KAZN: variants seen among roughly 807,000 people sequenced by gnomAD.
KAZN encodes kazrin.
Under a neutral mutation model 87.4 loss-of-function variants are expected in KAZN, and 40 were observed. The observed-to-expected ratio is 0.46, with a 90% CI of 0.36 to 0.60. The LOEUF is 0.60. Among genes scored for constraint, KAZN ranks in the 20% least tolerant of loss-of-function variants. The pLI, the probability that KAZN is intolerant of heterozygous loss-of-function variation, is 0.00. For synonymous variants in KAZN, 466 were observed against 458.3 expected (o/e 1.02, Z -0.22); for missense variants, 898 against 1,073.9 (o/e 0.84, Z 2.29).
intron 2 of KAZN, among the ~76,000 whole-genome samples, chr1:14,482,405 G>A (rs1669131840): frequency 6.6e-6 from 1 of 152,212 alleles, no homozygotes; most frequent in African/African-American, 2.4e-5. Context: ...GGCTAAGAGT[G>A]TAGGTGATCT....
At chr1:14,885,201 GTATT>G (rs1446979108) in intron 1 of KAZN, among the ~76,000 whole-genome samples, 1 of 152,186 alleles carries the variant, frequency 6.6e-6, no homozygotes, top group African/African-American at 2.4e-5. Flanking sequence ...TTTCTTGCTT[GTATT>G]AACCAGGAGT....
At position 14,962,090 on chromosome 1, in the gene KAZN, T is replaced by C. The variant is rs558389189; in HGVS notation, c.418+1215T>C. ...CTAACAGGGTAAAAGAGAGAATGGA[T>C]TTTGCTGGACAGTTAATCGGCTCAG... On this transcript the variant is annotated intron_variant, in intron 2 of 14. Coordinates refer to ENST00000376030, the MANE Select transcript of KAZN (RefSeq NM_201628.3). Among the ~76,000 whole-genome samples, 4 of 152,334 alleles carry C rather than the reference T, an allele frequency of 2.6e-5. No homozygotes were observed. In the South Asian group the frequency reaches 8.3e-4, roughly 32 times the overall value.
At position 14,276,160 on chromosome 1, in the gene KAZN, G is replaced by GGTGTGT. The variant is rs5772575; in HGVS notation, c.249+95605_249+95610dup. Among the ~76,000 whole-genome samples, 8 of 135,792 alleles carry GGTGTGT rather than the reference G, an allele frequency of 5.9e-5. No individual in the cohort carries two copies. The East Asian group carries it at 8.2e-4, about 14-fold the overall frequency. 89.1% of individuals were successfully genotyped at this position (135,792 alleles called of 152,430 possible). On this transcript the variant is annotated intron_variant, in intron 2 of 16. Coordinates refer to the KAZN transcript ENST00000636203. The stretch of plus-strand genomic sequence containing the variant: ...CATGGAGCATAGTGTTCGCTATAAG[G>GGTGTGT]GTGTGTGTGTGTGTGTGTGTGTGTG...
intron 1 of KAZN, among the ~76,000 whole-genome samples, chr1:14,777,061 C>T (rs1461272975): frequency 3.9e-5 from 6 of 152,096 alleles, no homozygotes; most frequent in Admixed American, 3.9e-4. Context: ...AGTGCAGCAG[C>T]GCAATCTCGG....
At chr1:14,701,917 C>T (rs1641943648) in intron 1 of KAZN, among the ~76,000 whole-genome samples, 1 of 152,202 alleles carries the variant, frequency 6.6e-6, no homozygotes, top group Non-Finnish European at 1.5e-5. Context: ...TGTGCACACC[C>T]CACCTAGCCT....
chr1:15,103,936 G>A (rs1447763992), intron 12 of KAZN, 87 bp from the exon 13 acceptor site: 7 of 1,356,554 alleles, frequency 5.2e-6, no homozygotes, highest in Admixed American at 2.3e-5. Context: ...CTTGCTGTTG[G>A]GGACAGAGCC....
At chr1:14,244,632 G>A (rs182117052) in intron 2 of KAZN, among the ~76,000 whole-genome samples, 5 of 152,170 alleles carry the variant, frequency 3.3e-5, no homozygotes, top group African/African-American at 1.2e-4. Flanking sequence ...AGGGAGTGCT[G>A]GTGTGGAGTG....
chr1:14,302,226 C>T (rs1476696437), intron 2 of KAZN, among the ~76,000 whole-genome samples: 3 of 152,216 alleles, frequency 2.0e-5, no homozygotes, highest in Non-Finnish European at 4.4e-5. Flanking sequence ...AGTTTGGGAG[C>T]TGCAGTCCCT....
chr1:14,561,913 AAG>A (rs1674280661), intron 2 of KAZN, among the ~76,000 whole-genome samples: 1 of 151,720 alleles, frequency 6.6e-6, no homozygotes, highest in African/African-American at 2.4e-5. Flanking sequence ...CAAAAAAAAA[AAG>A]AAGAAAAAAG....
intron 2 of KAZN, among the ~76,000 whole-genome samples, chr1:15,022,135 A>T (rs986000338): frequency 6.6e-6 from 1 of 152,156 alleles, no homozygotes; most frequent in Admixed American, 6.5e-5. Context: ...GCCAAGCCTC[A>T]TGCATCCATG....
At chr1:14,057,178 A>C (rs1304453813) in intron 1 of KAZN, among the ~76,000 whole-genome samples, 1 of 140,288 alleles carries the variant, frequency 7.1e-6, no homozygotes. Flanking sequence ...TCTGTTTTCT[A>C]GGCTGGAGTA....
In KAZN at chr1:14,488,916, C is replaced by G. The variant is rs569618315; in HGVS notation, c.250-110067C>G. Among the ~76,000 whole-genome samples, 8 of 152,334 alleles carry G rather than the reference C, an allele frequency of 5.3e-5. No homozygotes were observed. The East Asian group carries it at 1.5e-3, about 29-fold the overall frequency. ...TGTGTTTGGAGGACAGGATTCATTT[C>G]TTGTCCATCTTTGCATTGTTTCACT... is the stretch of plus-strand genomic sequence containing the variant. On this transcript the variant is annotated intron_variant, in intron 2 of 16. Transcript: ENST00000636203.
intron 2 of KAZN, among the ~76,000 whole-genome samples, chr1:14,467,425 A>G (rs1008645150): frequency 6.6e-6 from 1 of 152,052 alleles, no homozygotes; most frequent in Non-Finnish European, 1.5e-5. Flanking sequence ...AGAATAAAAA[A>G]GACTTAAGAT....
chr1:14,539,782 T>A (rs374610744), intron 2 of KAZN, among the ~76,000 whole-genome samples: 35 of 152,294 alleles, frequency 2.3e-4, no homozygotes, highest in Middle Eastern at 6.8e-3. Context: ...TCTCCAAGAA[T>A]TAGTGCCTAT....
At chr1:14,029,168 A>G (rs1641213715) in intron 1 of KAZN, among the ~76,000 whole-genome samples, 2 of 122,262 alleles carry the variant, frequency 1.6e-5, no homozygotes, top group South Asian at 6.4e-4. Flanking sequence ...TTGCCATTCT[A>G]ACTGGTGTGA....
intron 2 of KAZN, among the ~76,000 whole-genome samples, chr1:14,997,588 G>T (rs1433987537): frequency 6.6e-6 from 1 of 152,172 alleles, no homozygotes; most frequent in African/African-American, 2.4e-5. Flanking sequence ...TCGGCTCCAG[G>T]AGAGCAGGGA....
At chr1:14,943,757 G>A (rs112395384) in intron 1 of KAZN, among the ~76,000 whole-genome samples, 5 of 152,226 alleles carry the variant, frequency 3.3e-5, no homozygotes, top group African/African-American at 7.2e-5. Flanking sequence ...CCTCTCAGGC[G>A]AGGTGCTCAG....
intron 2 of KAZN, among the ~76,000 whole-genome samples, chr1:14,976,316 C>G (rs963624481): frequency 6.6e-6 from 1 of 152,158 alleles, no homozygotes; most frequent in South Asian, 2.1e-4. Context: ...CTACTCAGAA[C>G]AGCACGTCAT....
intron 2 of KAZN, among the ~76,000 whole-genome samples, chr1:14,967,686 C>T (rs777799401): frequency 6.6e-6 from 1 of 152,162 alleles, no homozygotes; most frequent in Non-Finnish European, 1.5e-5. Context: ...AATGTGGGGC[C>T]TTGACACACC....
Sources: gnomAD v4.1 joint callset for allele counts (sites outside exome capture counted in the v4.1 genomes callset) on GRCh38, gnomAD v4.1.1 for gene constraint, MANE v1.5 for transcripts, NCBI Gene and HGNC (gene_info 2026-07-23, HGNC 2026-07-21) for gene names.